Variants in QSOX1 observed in about 807,000 individuals in gnomAD.
QSOX1 encodes the protein sulfhydryl oxidase 1.
Under a neutral mutation model 76.1 loss-of-function variants are expected in QSOX1, and 40 were observed. The observed-to-expected ratio is 0.53, with a 90% CI of 0.41 to 0.68. The LOEUF (loss-of-function observed/expected upper bound fraction) is 0.68. Among genes scored for constraint, QSOX1 ranks in the 30% least tolerant of loss-of-function variants. The pLI, the probability that QSOX1 is intolerant of heterozygous loss-of-function variation, is 0.00. For missense variants in QSOX1, 931 were observed against 974.3 expected (o/e 0.96, Z 0.59); for synonymous variants, 392 against 413.1 (o/e 0.95, Z 0.62).
Position 180,203,116 on chromosome 1 carries a change from A to G in QSOX1, c.*6079A>G, listed in dbSNP as rs1365084143. The G allele has an allele frequency of 6.6e-6, 1 of 152,086 alleles. No individual in the cohort carries two copies. Among genetic ancestry groups the G allele is most frequent in the Admixed American group, 6.6e-5 (1 of 15,252 alleles). 9.4% of individuals were successfully genotyped at this position (152,086 alleles called of 1,614,324 possible). On this transcript the variant is annotated 3_prime_UTR_variant, in exon 12 of 12. Transcript: ENST00000367602. ...ATAAAAAAATAAAGTAAAGCTACAT[A>G]TTTAAAAGCTGGGGAAATATATGCT...
chr1:180,179,968 C>T (rs188737895), intron 5 of QSOX1, among the ~76,000 whole-genome samples: 16 of 152,310 alleles, frequency 1.1e-4, no homozygotes, highest in Admixed American at 1.0e-3. Context: ...CTTTTCCCTC[C>T]CCTCCCACCA....
chr1:180,167,976 A>C (rs1357493731), intron 2 of QSOX1, among the ~76,000 whole-genome samples: 1 of 152,004 alleles, frequency 6.6e-6, no homozygotes, highest in African/African-American at 2.4e-5. Context: ...ACAGGCTGAT[A>C]TTTTTCTCCC....
chr1:180,196,637 C>G lies in QSOX1; in HGVS notation c.1844C>G (p.Ala615Gly). 1.2e-6 allele frequency: 2 copies of G among 1,614,194 alleles called. No homozygotes were observed. The highest frequency in any genetic ancestry group is 2.2e-5 in the South Asian group (2 of 91,084). Residue 615 changes from alanine (A) to glycine (G), a missense_variant, in exon 12 of 12, where the codon GCT (alanine) becomes GGT (glycine). Transcript: ENST00000367602. The surrounding 1 kb of genome is among the most constrained non-coding windows in gnomAD (Gnocchi z 4.1). ...CCGAAGCTGCACCCTGGCCTCAGAG[C>G]TGCACCAGGCCAGGAGCCTCCTGAG... The part of the protein sequence containing the change: ...RPPKLHPGLR[A>G]APGQEPPEHM...
intron 4 of QSOX1, among the ~76,000 whole-genome samples, chr1:180,176,801 C>G (rs148463358): frequency 1.3e-5 from 2 of 152,342 alleles, no homozygotes; most frequent in Admixed American, 6.5e-5. Context: ...GGGAGCCCAG[C>G]CTTGTACACA....
intron 11 of QSOX1, among the ~76,000 whole-genome samples, chr1:180,195,005 G>T (rs991595574): frequency 1.1e-4 from 16 of 151,892 alleles, no homozygotes; most frequent in Non-Finnish European, 2.1e-4. Flanking sequence ...CCGGGGGGGG[G>T]AGACCAGGGC....
chr1:180,183,643 G>A (rs569592131), intron 6 of QSOX1, among the ~76,000 whole-genome samples: 43 of 152,186 alleles, frequency 2.8e-4, no homozygotes, highest in Non-Finnish European at 5.4e-4. Flanking sequence ...GGGCCACTGG[G>A]GGAATTCTTG....
chr1:180,159,696 T>G (rs1485201293), intron 1 of QSOX1, among the ~76,000 whole-genome samples: 1 of 152,228 alleles, frequency 6.6e-6, no homozygotes, highest in Non-Finnish European at 1.5e-5. Flanking sequence ...GTTTGAAGAT[T>G]TGACTGTTAA....
rs770021396 is a variant in QSOX1 at position 180,190,592 on chromosome 1, AC to A, written c.1288+15del. 1.2e-5 allele frequency: 20 copies of A among 1,607,878 alleles called. No individual in the cohort carries two copies. The highest frequency in any genetic ancestry group is 1.6e-5 in the Non-Finnish European group (19 of 1,175,538). On this transcript the variant is annotated intron_variant, in intron 10 of 11. Transcript: ENST00000367602. ...CTCACAGGAAGCAGGTACGTCCAGG[AC>A]CCGTTCACCCCACTGTGCCTCCAAC...
chr1:180,155,001 C>A lies in QSOX1; in HGVS notation c.94C>A (p.Arg32=). Reference sequence around the variant, plus strand: ...GGTTCCCGGCGCTAACGCGGCCCCGCGGTCGGCGCTCTATTCGCCTTCCGA... The same window carrying A: ...GGTTCCCGGCGCTAACGCGGCCCCGAGGTCGGCGCTCTATTCGCCTTCCGA... ...LAVPGANAAP[R]SALYSPSDPL... Residue 32 remains arginine, a synonymous_variant, in exon 1 of 12, where the codon CGG becomes AGG. Transcript: ENST00000367602. 1 of 1,510,312 alleles carries A rather than the reference C, an allele frequency of 6.6e-7. No homozygotes were observed. Among genetic ancestry groups the A allele is most frequent in the Non-Finnish European group, 8.8e-7 (1 of 1,136,868 alleles). 93.6% of individuals were successfully genotyped at this position (1,510,312 alleles called of 1,614,324 possible). A position where few individuals can be genotyped will look rare whatever the true frequency, so the allele number is the denominator to read the frequency against.
In QSOX1 at chr1:180,186,104, G is replaced by C. The variant is rs1276008417; in HGVS notation, c.939G>C (p.Arg313=). The C allele has an allele frequency of 6.2e-7, 1 of 1,614,230 alleles. No homozygotes were observed. The highest frequency in any genetic ancestry group is 8.5e-7 in the Non-Finnish European group (1 of 1,180,026). ...AATCTGCACTGCACTACATCCTGCG[G>C]ATAGAAGTGGGCAGGTTCCCGGTCC... ...DLESALHYIL[R]IEVGRFPVLE... The change falls in exon 8 of 12, where the codon CGG becomes CGC. Residue 313 remains arginine, a synonymous_variant. Transcript: ENST00000367602.
At position 180,197,583 on chromosome 1, in the gene QSOX1, G is replaced by T; in HGVS notation, c.*546G>T. Reference sequence around the variant, plus strand: ...CAGCCTCCAGCTCCTCAGACCTCCTGGGTGGGGTTTGGCTTCAGGGTGGGG... The same window carrying T: ...CAGCCTCCAGCTCCTCAGACCTCCTTGGTGGGGTTTGGCTTCAGGGTGGGG... On this transcript the variant is annotated 3_prime_UTR_variant, in exon 12 of 12. Coordinates refer to ENST00000367602, the MANE Select transcript of QSOX1 (RefSeq NM_002826.5). 1 of 583,442 alleles carries T rather than the reference G, an allele frequency of 1.7e-6. No individual in the cohort carries two copies. Among genetic ancestry groups the T allele is most frequent in the Non-Finnish European group, 3.0e-6 (1 of 334,102 alleles). 36.1% of individuals were successfully genotyped at this position (583,442 alleles called of 1,614,324 possible).
chr1:180,184,996 C>T (rs1441321715), intron 7 of QSOX1, among the ~76,000 whole-genome samples: 1 of 152,154 alleles, frequency 6.6e-6, no homozygotes, highest in East Asian at 1.9e-4. Context: ...ATAGCTTGGG[C>T]TGGTGTATGT....
Position 180,194,132 on chromosome 1 carries a change from C to T in QSOX1, c.1289-81C>T, listed in dbSNP as rs1010529830. On this transcript the variant is annotated intron_variant, in intron 10 of 11. Transcript: ENST00000367602. ...GGGGTGGCCACGGCAGGATGGGGGGCGGCAGGGTGGCCTGGGGAGGCAACG... is the reference window on the plus strand; with the variant it reads ...GGGGTGGCCACGGCAGGATGGGGGGTGGCAGGGTGGCCTGGGGAGGCAACG... 1.6e-5 allele frequency: 22 copies of T among 1,368,654 alleles called. No homozygotes were observed. The African/African-American group carries it at 1.7e-4, about 11-fold the overall frequency. 84.8% of individuals were successfully genotyped at this position (1,368,654 alleles called of 1,614,324 possible). A position where few individuals can be genotyped will look rare whatever the true frequency, so the allele number is the denominator to read the frequency against.
Position 180,182,210 on chromosome 1 carries a change from G to A in QSOX1, c.643G>A (p.Val215Met), listed in dbSNP as rs1433454513. ...CCTGTCCCAGCACAAAGGCGTGGCGGTGCGCAGGGTGCTGAACACAGAGGC... is the reference window on the plus strand; with the variant it reads ...CCTGTCCCAGCACAAAGGCGTGGCGATGCGCAGGGTGCTGAACACAGAGGC... ...LDLSQHKGVA[V>M]RRVLNTEANV... is the part of the protein sequence containing the mutation. Residue 215 changes from valine (V) to methionine (M), a missense_variant, in exon 6 of 12, where the codon GTG becomes ATG. Coordinates refer to ENST00000367602, the MANE Select transcript of QSOX1 (RefSeq NM_002826.5). 1.2e-6 allele frequency: 2 copies of A among 1,614,208 alleles called. No individual in the cohort carries two copies. Among genetic ancestry groups the A allele is most frequent in the East Asian group, 2.2e-5 (1 of 44,878 alleles).
intron 8 of QSOX1, among the ~76,000 whole-genome samples, chr1:180,186,583 T>C (rs1377028311): frequency 6.6e-6 from 1 of 152,240 alleles, no homozygotes; most frequent in Non-Finnish European, 1.5e-5. Context: ...GAGGATGCTC[T>C]TCTGATACTC....
rs10913939 is a variant in QSOX1 at position 180,175,350 on chromosome 1, G to C, written c.396G>C (p.Ser132=). 2 of 1,613,724 alleles carry C rather than the reference G, an allele frequency of 1.2e-6. No homozygotes were observed. Among genetic ancestry groups the C allele is most frequent in the East Asian group, 4.5e-5 (2 of 44,886 alleles). The change falls in exon 3 of 12, where the codon TCG becomes TCC. Residue 132 remains serine, a synonymous_variant. Transcript: ENST00000367602. ...RFFKAFTKNG[S]GAVFPVAGAD... ...TCAAGGCCTTTACCAAGAACGGCTC[G>C]GGAGCAGTATTTCCAGGTGGGTGCC...
chr1:180,162,999 A>G, intron 1 of QSOX1, among the ~76,000 whole-genome samples: 1 of 152,212 alleles, frequency 6.6e-6, no homozygotes, highest in East Asian at 1.9e-4. Flanking sequence ...CTTTAGGAGA[A>G]TTACCTAAAA....
intron 1 of QSOX1, among the ~76,000 whole-genome samples, chr1:180,164,042 G>A (rs1662555581): frequency 6.6e-6 from 1 of 152,212 alleles, no homozygotes; most frequent in South Asian, 2.1e-4. Flanking sequence ...GGAGGTTTGG[G>A]TGAGGGAAGA....
At chr1:180,157,864 A>G (rs1662407882) in intron 1 of QSOX1, among the ~76,000 whole-genome samples, 1 of 152,240 alleles carries the variant, frequency 6.6e-6, no homozygotes, top group Admixed American at 6.5e-5. Flanking sequence ...CATAGAAGGA[A>G]AATTGGCAAC....
Sources: allele counts gnomAD v4.1 joint callset (sites outside exome capture counted in the v4.1 genomes callset), GRCh38; gene constraint gnomAD v4.1.1; non-coding constraint Gnocchi (gnomAD v3.1); transcripts MANE v1.5; gene names NCBI Gene and HGNC (gene_info 2026-07-23, HGNC 2026-07-21).